C14orf39: variants seen among roughly 807,000 people sequenced by gnomAD.
C14orf39 encodes protein SIX6OS1.
In C14orf39, 66 loss-of-function variants were observed where a neutral mutation model predicts 85.6. The ratio of observed to expected loss-of-function variants is 0.77; its 90% CI spans 0.63 to 0.95. C14orf39 has a LOEUF of 0.95. Among genes scored for constraint, C14orf39 ranks in the 40% least tolerant of loss-of-function variants. The pLI, the probability that C14orf39 is intolerant of heterozygous loss-of-function variation, is 0.00. For missense variants in C14orf39, 735 were observed against 663.9 expected, an observed-to-expected ratio of 1.11 and a Z score of -1.18; for synonymous variants, 242 against 214.0, an observed-to-expected ratio of 1.13 and a Z score of -1.14.
chr14:60,475,203 A>G (rs572790440), intron 5 of C14orf39, among the ~76,000 whole-genome samples: 17 of 152,278 alleles, frequency 1.1e-4, no homozygotes, highest in African/African-American at 3.4e-4. Context: ...TGTTTATAGT[A>G]TGCTCTGATG....
intron 13 of C14orf39, 93 bp from the exon 14 acceptor site, chr14:60,458,832 T>A (rs1448489865): frequency 3.0e-6 from 3 of 1,010,552 alleles, no homozygotes; most frequent in Non-Finnish European, 4.4e-6. Context: ...AATATTTAGC[T>A]GTTTTAACCT....
chr14:60,468,614 T>C (rs1182337074), intron 8 of C14orf39, 78 bp from the exon 9 acceptor site: 40 of 741,300 alleles, frequency 5.4e-5, no homozygotes, highest in Non-Finnish European at 8.2e-5. Context: ...ATCTTATGTT[T>C]TTTCTATATA....
At chr14:60,509,179 G>A (rs1893249704) in intron 1 of C14orf39, 1 of 582,530 alleles carries the variant, frequency 1.7e-6, no homozygotes, top group Non-Finnish European at 3.1e-6. Context: ...CGGCGTGCCT[G>A]AGCCGAGCCG....
intron 1 of C14orf39, chr14:60,511,451 C>T: frequency 1.5e-6 from 1 of 659,834 alleles, no homozygotes; most frequent in East Asian, 2.7e-5. Context: ...GCCGCGACCA[C>T]GGGAACCAGC....
At chr14:60,463,687 AG>A (rs1891645280) in intron 11 of C14orf39, among the ~76,000 whole-genome samples, 1 of 152,092 alleles carries the variant, frequency 6.6e-6, no homozygotes, top group African/African-American at 2.4e-5. Flanking sequence ...GTTTTTTGGG[AG>A]AGGGCTATCT....
At chr14:60,466,183 A>G in intron 10 of C14orf39, 128 bp from the exon 11 acceptor site, 1 of 437,424 alleles carries the variant, frequency 2.3e-6, no homozygotes, top group Non-Finnish European at 4.0e-6. Flanking sequence ...AAATTAAAAT[A>G]CGGAATTATG....
rs1402892521 is a variant in C14orf39 at position 60,436,892 on chromosome 14, C to A, written c.1717G>T (p.Gly573Cys). The A allele has an allele frequency of 6.2e-7, 1 of 1,611,704 alleles. No homozygotes were observed. Among genetic ancestry groups the A allele is most frequent in the Non-Finnish European group, 8.5e-7 (1 of 1,178,688 alleles). Reference sequence around the variant, plus strand: ...GTATTTTGTGAGGAAGATGAAAAACCTTTTAAAGAAGAAGAAGGTATTGAA... The same window carrying A: ...GTATTTTGTGAGGAAGATGAAAAACATTTTAAAGAAGAAGAAGGTATTGAA... Reference protein sequence around the residue: ...QNSIPSSSLKGFSSSSQNTTQ... With the variant: ...QNSIPSSSLKCFSSSSQNTTQ... The change falls in exon 18 of 18, where the codon GGT (glycine) becomes TGT (cysteine). Residue 573 changes from glycine (G) to cysteine (C), a missense_variant. Gly to Cys is a radical substitution (Grantham distance 159). Transcript: ENST00000321731.
intron 3 of C14orf39, 145 bp from the exon 4 acceptor site, chr14:60,483,962 C>G (rs1892764333): frequency 1.8e-6 from 1 of 563,296 alleles, no homozygotes; most frequent in Admixed American, 3.6e-5. Context: ...ATGGGTGGGA[C>G]CGTATACTAA....
intron 17 of C14orf39, 49 bp from the exon 18 acceptor site, chr14:60,437,096 T>A: frequency 7.8e-7 from 1 of 1,288,678 alleles, no homozygotes; most frequent in African/African-American, 1.5e-5. Flanking sequence ...TTATATAAAA[T>A]TTTTATAACC....
chr14:60,503,223 C>T (rs984357089), intron 1 of C14orf39, among the ~76,000 whole-genome samples: 4 of 152,168 alleles, frequency 2.6e-5, no homozygotes, highest in Non-Finnish European at 5.9e-5. Context: ...TCCACCCCCG[C>T]TCAAAAAACA....
At chr14:60,475,199 T>C (rs1410546289) in intron 5 of C14orf39, among the ~76,000 whole-genome samples, 2 of 152,198 alleles carry the variant, frequency 1.3e-5, no homozygotes, top group African/African-American at 4.8e-5. Context: ...GAGGTGTTTA[T>C]AGTATGCTCT....
chr14:60,480,216 G>A (rs1395334313), intron 4 of C14orf39, among the ~76,000 whole-genome samples: 1 of 152,130 alleles, frequency 6.6e-6, no homozygotes, highest in Non-Finnish European at 1.5e-5. Flanking sequence ...GAGGTCAGGA[G>A]TTCAAGACCA....
rs1308013422 is a variant in C14orf39, at chr14:60,469,626, A to G, written c.582T>C (p.Asp194=). ...NIVNLRCETQ[D]ILKHASNLTK... ...TAAGATTGCTGGCATGTTTAAGAAT[A>G]TCTTGTGTTTCACATCTCAAATTAA... The change falls in exon 8 of 18, where the codon GAT becomes GAC. Residue 194 remains aspartate, a synonymous_variant. Coordinates refer to ENST00000321731, the MANE Select transcript of C14orf39 (RefSeq NM_174978.3). The G allele has an allele frequency of 6.8e-7, 1 of 1,473,476 alleles. No homozygotes were observed. Among genetic ancestry groups the G allele is most frequent in the Non-Finnish European group, 9.2e-7 (1 of 1,089,254 alleles). 91.3% of individuals were successfully genotyped at this position (1,473,476 alleles called of 1,614,324 possible). A position where few individuals can be genotyped will look rare whatever the true frequency, so the allele number is the denominator to read the frequency against.
At position 60,456,975 on chromosome 14, in the gene C14orf39, C is replaced by G; in HGVS notation, c.1300G>C (p.Val434Leu). The change falls in exon 15 of 18, where the codon GTG (valine) becomes CTG (leucine). Residue 434 changes from valine (V) to leucine (L), a missense_variant. Val to Leu is a conservative substitution (Grantham distance 32). Coordinates refer to ENST00000321731, the MANE Select transcript of C14orf39 (RefSeq NM_174978.3). ...IPIFLGTPKA[V>L]KAPESLEKIK... ...TTCTCCAATGACTCAGGTGCTTTCA[C>G]AGCTTTGGGAGTTCCTAAAAATATA... 6.2e-7 allele frequency: 1 copy of G among 1,608,548 alleles called. No homozygotes were observed. Among genetic ancestry groups the G allele is most frequent in the East Asian group, 2.2e-5 (1 of 44,672 alleles).
upstream of C14orf39, among the ~76,000 whole-genome samples, chr14:60,489,650 C>G (rs1892956566): frequency 6.6e-6 from 1 of 152,190 alleles, no homozygotes; most frequent in African/African-American, 2.4e-5. Context: ...ACCATCTCCT[C>G]TTACCTCCTC....
chr14:60,443,239 C>T (rs1345343019), intron 16 of C14orf39, among the ~76,000 whole-genome samples: 3 of 152,170 alleles, frequency 2.0e-5, no homozygotes, highest in Non-Finnish European at 4.4e-5. Context: ...CCGTGAAGTG[C>T]ATGGGGTTGG....
intron 1 of C14orf39, among the ~76,000 whole-genome samples, chr14:60,503,369 C>T (rs140979361): frequency 7.9e-5 from 12 of 152,334 alleles, no homozygotes; most frequent in Middle Eastern, 3.4e-3. Context: ...AAAGTCACAA[C>T]AGCATGAAAT....
Position 60,509,283 on chromosome 14 carries a change from C to A in C14orf39, c.-144+6112G>T. 4.4e-6 allele frequency: 4 copies of A among 908,558 alleles called. No individual in the cohort carries two copies. The Admixed American group carries it at 7.4e-5, about 17-fold the overall frequency. The allele number at this position is 908,558 out of a possible 1,614,324, so 56.3% of individuals were successfully genotyped here. A position where few individuals can be genotyped will look rare whatever the true frequency, so the allele number is the denominator to read the frequency against. On this transcript the variant is annotated intron_variant, in intron 1 of 5. Coordinates refer to the C14orf39 transcript ENST00000556799. ...CACCGCCGCCACCCGGTAGTGTGTC[C>A]CGCTGCCCCAATCCGCCTCATCAAC...
Position 60,480,378 on chromosome 14 carries a change from A to G in C14orf39, c.234-1989T>C, listed in dbSNP as rs910012792. 1.3e-5 allele frequency among the ~76,000 whole-genome samples: 2 copies of G among 152,202 alleles called. 1 individual carries two copies. On this transcript the variant is annotated intron_variant, in intron 4 of 17. Transcript: ENST00000321731. ...TGGAGGGAGGAGGTCGCAGTGAGTG[A>G]GATCGCGCCATTGCACTCCAGCCTG...
Sources: gnomAD v4.1 joint callset for allele counts (sites outside exome capture counted in the v4.1 genomes callset) on GRCh38, gnomAD v4.1.1 for gene constraint, MANE v1.5 for transcripts, NCBI Gene and HGNC (gene_info 2026-07-23, HGNC 2026-07-21) for gene names.